Variants in MIPEP observed in about 807,000 individuals in gnomAD.
MIPEP encodes mitochondrial intermediate peptidase.
Under a neutral mutation model 90.3 loss-of-function variants are expected in MIPEP, and 79 were observed. The observed-to-expected ratio is 0.87, with a 90% CI of 0.73 to 1.05. MIPEP has a LOEUF of 1.05. Ranked by LOEUF, MIPEP falls within the 50% of genes least tolerant of loss-of-function variation. MIPEP has a pLI of 0.00. For missense variants in MIPEP, 940 were observed against 905.6 expected, an observed-to-expected ratio of 1.04 and a Z score of -0.49; for synonymous variants, 334 against 315.8, an observed-to-expected ratio of 1.06 and a Z score of -0.61.
intron 16 of MIPEP, 142 bp from the exon 17 acceptor site, chr13:23,760,359 G>A (rs2138516547): frequency 3.8e-6 from 4 of 1,065,422 alleles, no homozygotes; most frequent in Middle Eastern, 2.1e-4. Context: ...CGTCACCTAT[G>A]ATATCAATAT....
At chr13:23,750,976 G>A (rs1952434968) in intron 18 of MIPEP, among the ~76,000 whole-genome samples, 1 of 152,122 alleles carries the variant, frequency 6.6e-6, no homozygotes, top group Non-Finnish European at 1.5e-5. Context: ...GATGCTTCAT[G>A]CTCATCTTCT....
intron 10 of MIPEP, among the ~76,000 whole-genome samples, chr13:23,848,318 T>C (rs182390842): frequency 6.6e-6 from 1 of 152,308 alleles, no homozygotes; most frequent in Non-Finnish European, 1.5e-5. Context: ...CCAGTTCCCT[T>C]CTTCTACTCC....
chr13:23,792,684 A>C (rs1952911002), intron 16 of MIPEP, among the ~76,000 whole-genome samples: 1 of 152,240 alleles, frequency 6.6e-6, no homozygotes, highest in South Asian at 2.1e-4. Flanking sequence ...TGGCAATGCC[A>C]TCCTTTGGGT....
At chr13:23,794,247 A>G (rs1952932170) in intron 16 of MIPEP, among the ~76,000 whole-genome samples, 1 of 152,194 alleles carries the variant, frequency 6.6e-6, no homozygotes, top group African/African-American at 2.4e-5. Flanking sequence ...CTGCCTCCAG[A>G]GAAAGGGACC....
intron 16 of MIPEP, among the ~76,000 whole-genome samples, chr13:23,766,737 T>C (rs1952594578): frequency 6.6e-6 from 1 of 152,234 alleles, no homozygotes; most frequent in African/African-American, 2.4e-5. Context: ...TAAAGTGTTG[T>C]TAAGTGGAAC....
intron 16 of MIPEP, chr13:23,765,830 A>T (rs978523828): frequency 2.6e-5 from 4 of 152,156 alleles, no homozygotes; most frequent in African/African-American, 9.7e-5. Flanking sequence ...GGTTTACAAG[A>T]CCGGTGTATT....
At chr13:23,878,537 G>A (rs1309723526) in intron 4 of MIPEP, among the ~76,000 whole-genome samples, 2 of 152,068 alleles carry the variant, frequency 1.3e-5, no homozygotes, top group African/African-American at 2.4e-5. Context: ...CCAACAAAAC[G>A]TAGATAAACA....
At chr13:23,751,854 A>G (rs1442537851) in intron 18 of MIPEP, among the ~76,000 whole-genome samples, 1 of 151,908 alleles carries the variant, frequency 6.6e-6, no homozygotes, top group African/African-American at 2.4e-5. Context: ...GAAGAGGAAG[A>G]TTTTATTGTT....
At position 23,738,951 on chromosome 13, in the gene MIPEP, C is replaced by T. The variant is rs565804347; in HGVS notation, c.2045-8506G>A. 5.9e-5 allele frequency among the ~76,000 whole-genome samples: 9 copies of T among 152,268 alleles called. No individual in the cohort carries two copies. In the East Asian group the frequency reaches 1.7e-3, roughly 29 times the overall value. On this transcript the variant is annotated intron_variant, in intron 18 of 18. Coordinates refer to ENST00000382172, the MANE Select transcript of MIPEP (RefSeq NM_005932.4). ...CTCTGCTGCATGCTCGCCTTTAAGCCCCATGGCTCAGATGGACCTGCGGAA... is the reference window on the plus strand; with the variant it reads ...CTCTGCTGCATGCTCGCCTTTAAGCTCCATGGCTCAGATGGACCTGCGGAA...
At chr13:23,792,083 T>A (rs1435087614) in intron 16 of MIPEP, among the ~76,000 whole-genome samples, 6 of 151,306 alleles carry the variant, frequency 4.0e-5, no homozygotes, top group Non-Finnish European at 5.9e-5. Context: ...TCAATTCACC[T>A]TTTTTTTTGG....
chr13:23,760,104 A>G lies in MIPEP; in HGVS notation c.1962T>C (p.Pro654=), dbSNP rs1952524392. The G allele has an allele frequency of 6.2e-7, 1 of 1,614,126 alleles. No homozygotes were observed. The highest frequency in any genetic ancestry group is 8.5e-7 in the Non-Finnish European group (1 of 1,179,996). The change falls in exon 17 of 19, where the codon CCT becomes CCC. Residue 654 remains proline, a synonymous_variant. Transcript: ENST00000382172. ...MVWKECFLQD[P]FNRAAGERYR... Reference sequence around the variant, plus strand: ...AGAACTTACCCCCTTACCTGTTGAAAGGATCCTGTAGAAAACACTCCTTCC... The same window carrying G: ...AGAACTTACCCCCTTACCTGTTGAAGGGATCCTGTAGAAAACACTCCTTCC...
At chr13:23,822,523 C>T (rs1434572366) in intron 14 of MIPEP, among the ~76,000 whole-genome samples, 1 of 152,178 alleles carries the variant, frequency 6.6e-6, no homozygotes, top group African/African-American at 2.4e-5. Context: ...ATGACTTAAA[C>T]TTAGATTTCT....
chr13:23,831,969 T>C (rs906803840), intron 14 of MIPEP, among the ~76,000 whole-genome samples: 4 of 152,184 alleles, frequency 2.6e-5, no homozygotes, highest in Non-Finnish European at 1.5e-5. Flanking sequence ...TGTGATTTTA[T>C]GACAGATTTG....
At chr13:23,753,281 C>G (rs933325843) in intron 18 of MIPEP, among the ~76,000 whole-genome samples, 1 of 151,276 alleles carries the variant, frequency 6.6e-6, no homozygotes, top group Non-Finnish European at 1.5e-5. Context: ...GTTTTGAAGT[C>G]AAATCACATT....
At position 23,862,493 on chromosome 13, in the gene MIPEP, C is replaced by T. The variant is rs1019406640; in HGVS notation, c.993-131G>A. 3 of 568,246 alleles carry T rather than the reference C, an allele frequency of 5.3e-6. No individual in the cohort carries two copies. In the African/African-American group the frequency reaches 5.8e-5, roughly 11 times the overall value. The allele number at this position is 568,246 out of a possible 1,614,324, so 35.2% of individuals were successfully genotyped here. A position where few individuals can be genotyped will look rare whatever the true frequency, so the allele number is the denominator to read the frequency against. ...CAATTAGTAGTGCACACATAAATCACTATTAATCCAAATTTTACCTAAGTG... is the reference window on the plus strand; with the variant it reads ...CAATTAGTAGTGCACACATAAATCATTATTAATCCAAATTTTACCTAAGTG... On this transcript the variant is annotated intron_variant, in intron 8 of 18. Coordinates refer to ENST00000382172, the MANE Select transcript of MIPEP (RefSeq NM_005932.4).
At chr13:23,773,858 T>C (rs1952681535) in intron 16 of MIPEP, among the ~76,000 whole-genome samples, 1 of 152,224 alleles carries the variant, frequency 6.6e-6, no homozygotes, top group African/African-American at 2.4e-5. Context: ...CTGTGGGTTA[T>C]TTCACTTTCA....
In MIPEP at chr13:23,780,955, G is replaced by A. The variant is rs190617401; in HGVS notation, c.1849-20738C>T. 2.8e-3 allele frequency among the ~76,000 whole-genome samples: 425 copies of A among 152,274 alleles called. 2 individuals are homozygous for A. Among genetic ancestry groups the A allele is most frequent in the African/African-American group, 1.0e-2 (414 of 41,568 alleles). ...GCCTCCAAGAAATAAGGGACTATGCGAAAAGACCAAATCTACGTCTGATTG... is the reference window on the plus strand; with the variant it reads ...GCCTCCAAGAAATAAGGGACTATGCAAAAAGACCAAATCTACGTCTGATTG... On this transcript the variant is annotated intron_variant, in intron 16 of 18. Transcript: ENST00000382172.
intron 16 of MIPEP, 121 bp downstream of exon 16, chr13:23,805,829 T>C (rs1336972935): frequency 2.9e-6 from 3 of 1,051,782 alleles, no homozygotes; most frequent in African/African-American, 1.6e-5. Context: ...ATTTGAGCCA[T>C]GTGAAGCCTC....
rs116308963 is a variant in MIPEP at position 23,796,107 on chromosome 13, G to A, written c.1848+9843C>T. 5.6e-3 allele frequency among the ~76,000 whole-genome samples: 851 copies of A among 151,760 alleles called. 8 individuals are homozygous for A. Among genetic ancestry groups the A allele is most frequent in the African/African-American group, 0.019 (795 of 41,314 alleles). On this transcript the variant is annotated intron_variant, in intron 16 of 18. Coordinates refer to ENST00000382172, the MANE Select transcript of MIPEP (RefSeq NM_005932.4). ...TATATACATGTATGCTCTATATATCGAACAAAGAAGCTCTTAAAAATTGAC... is the reference window on the plus strand; with the variant it reads ...TATATACATGTATGCTCTATATATCAAACAAAGAAGCTCTTAAAAATTGAC...
Sources: gnomAD v4.1 joint callset for allele counts (sites outside exome capture counted in the v4.1 genomes callset) on GRCh38, gnomAD v4.1.1 for gene constraint, MANE v1.5 for transcripts, NCBI Gene and HGNC (gene_info 2026-07-23, HGNC 2026-07-21) for gene names.